Variants in KLHL2 observed in about 807,000 individuals in gnomAD.
KLHL2 encodes kelch like family member 2.
Under a neutral mutation model 75.8 loss-of-function variants are expected in KLHL2, and 15 were observed. That is an observed-to-expected ratio of 0.20 (90% confidence interval 0.13 to 0.30). The LOEUF is 0.30. Among genes scored for constraint, KLHL2 ranks in the 10% least tolerant of loss-of-function variants. KLHL2 has a pLI of 1.00. For missense variants in KLHL2, 381 were observed against 741.0 expected, an observed-to-expected ratio of 0.51 and a Z score of 5.64; for synonymous variants, 214 against 251.9, an observed-to-expected ratio of 0.85 and a Z score of 1.42.
At chr4:165,234,787 A>G (rs1297691692) in intron 3 of KLHL2, among the ~76,000 whole-genome samples, 1 of 151,514 alleles carries the variant, frequency 6.6e-6, no homozygotes, top group Non-Finnish European at 1.5e-5. Flanking sequence ...TTTTAGCCAT[A>G]TATGTGTTCT....
rs147404055 is a variant in KLHL2, at chr4:165,319,084, G to T, written c.1753+1115G>T. On this transcript the variant is annotated intron_variant, in intron 14 of 14. Coordinates refer to ENST00000226725, the MANE Select transcript of KLHL2 (RefSeq NM_007246.4). The surrounding 1 kb of genome is among the most constrained non-coding windows in gnomAD (Gnocchi z 4.5). ...AAAGATACAATATTAAATCATAACT[G>T]CATGAAATTAACTGTAGTATGTTAC... 4.9e-3 allele frequency among the ~76,000 whole-genome samples: 743 copies of T among 152,242 alleles called. 6 individuals carry two copies. The highest frequency in any genetic ancestry group is 0.033 in the East Asian group (172 of 5,186).
intron 2 of KLHL2, among the ~76,000 whole-genome samples, chr4:165,226,070 C>T (rs568628509): frequency 2.8e-4 from 43 of 152,296 alleles, no homozygotes; most frequent in East Asian, 2.5e-3. Context: ...TGTAATTCCA[C>T]TTGTGTTCCA....
rs557827706 is a variant in KLHL2, at chr4:165,310,639, G to A, written c.1126G>A (p.Val376Met). ...RVRTVDSYDPVKDQWTSVANM... is the reference protein window; with the variant it reads ...RVRTVDSYDPMKDQWTSVANM... ...TCGCACTGTAGATTCCTACGACCCT[G>A]TGAAGGACCAGTGGACCAGCGTTGC... is the stretch of plus-strand genomic sequence containing the variant. Residue 376 changes from valine (V) to methionine (M), a missense_variant, in exon 10 of 15, where the codon GTG becomes ATG. Around this residue, in one of 5 missense-constraint regions of KLHL2, gnomAD observed 168 missense variants for 370.4 expected, o/e 0.45. Transcript: ENST00000226725. 4 of 1,614,110 alleles carry A rather than the reference G, an allele frequency of 2.5e-6. No homozygotes were observed. The South Asian group carries it at 4.4e-5, about 18-fold the overall frequency.
rs564274906 is a variant in KLHL2 at position 165,317,057 on chromosome 4, A to AGAGTTATT, written c.1610-768_1610-761dup. On this transcript the variant is annotated intron_variant, in intron 13 of 14. Transcript: ENST00000226725. ...GATGTTTTGAATTTTTGCAAAGAAA[A>AGAGTTATT]GAGTTATTTTAATAGATAAATAATA... Among the ~76,000 whole-genome samples the AGAGTTATT allele has an allele frequency of 2.7e-4, 41 of 152,266 alleles. No individual in the cohort carries two copies. The East Asian group carries it at 6.9e-3, about 26-fold the overall frequency.
At chr4:165,233,689 A>G (rs1032727220) in intron 3 of KLHL2, among the ~76,000 whole-genome samples, 1 of 152,226 alleles carries the variant, frequency 6.6e-6, no homozygotes, top group African/African-American at 2.4e-5. Context: ...AATAAAACAG[A>G]TAAGTTCCTG....
At chr4:165,211,770 G>A (rs781332506) in intron 1 of KLHL2, among the ~76,000 whole-genome samples, 1 of 152,186 alleles carries the variant, frequency 6.6e-6, no homozygotes, top group African/African-American at 2.4e-5. Flanking sequence ...AACTTGAGAA[G>A]TGAATTCTGG....
At chr4:165,209,292 A>G (rs1194586390) in intron 1 of KLHL2, 1 of 152,252 alleles carries the variant, frequency 6.6e-6, no homozygotes, top group Non-Finnish European at 1.5e-5. Flanking sequence ...GCTCAGAAGC[A>G]CTTAAAGCAG....
At chr4:165,260,577 T>C (rs76580582) in intron 4 of KLHL2, among the ~76,000 whole-genome samples, 1 of 148,128 alleles carries the variant, frequency 6.8e-6, no homozygotes, top group Non-Finnish European at 1.5e-5. Flanking sequence ...TGTGTGTGTG[T>C]GGGGGGGGTG....
chr4:165,221,453 AG>A lies in KLHL2; in HGVS notation c.152+1397del, dbSNP rs137927796. Among the ~76,000 whole-genome samples, 935 of 152,300 alleles carry A rather than the reference AG, an allele frequency of 6.1e-3. 7 individuals are homozygous for A. Among genetic ancestry groups the A allele is most frequent in the African/African-American group, 0.021 (852 of 41,558 alleles). On this transcript the variant is annotated intron_variant, in intron 2 of 14. Transcript: ENST00000226725. ...CATTGGGAATGCTGTGCCACATCTT[AG>A]GGTAGGAAGGAGCTGGCCTCATCGG...
chr4:165,279,537 T>C, intron 5 of KLHL2: 5 of 1,553,854 alleles, frequency 3.2e-6, no homozygotes, highest in Non-Finnish European at 4.4e-6. Flanking sequence ...TGATGATGAC[T>C]AAGTAGTTCA....
chr4:165,316,487 G>T (rs1354444759), intron 13 of KLHL2, among the ~76,000 whole-genome samples: 2 of 152,102 alleles, frequency 1.3e-5, no homozygotes, highest in Admixed American at 1.3e-4. Flanking sequence ...AAGTTTTGTA[G>T]ATTTGGGCAG....
intron 5 of KLHL2, among the ~76,000 whole-genome samples, chr4:165,290,392 C>T (rs1425396563): frequency 2.0e-5 from 3 of 152,106 alleles, no homozygotes; most frequent in African/African-American, 7.2e-5. Flanking sequence ...TCCTCAGCCT[C>T]CCAAGATTCT....
intron 6 of KLHL2, among the ~76,000 whole-genome samples, chr4:165,295,359 T>C (rs1014146663): frequency 3.9e-5 from 6 of 152,232 alleles, no homozygotes; most frequent in Admixed American, 6.5e-5. Context: ...TATTAAAAAA[T>C]GTGAAAGCAT....
At chr4:165,310,997 G>C (rs1338379409) in intron 10 of KLHL2, among the ~76,000 whole-genome samples, 2 of 151,836 alleles carry the variant, frequency 1.3e-5, no homozygotes, top group Non-Finnish European at 2.9e-5. Flanking sequence ...TGGGACTATA[G>C]GTGCCCGCCA....
At chr4:165,302,049 A>G (rs1220660909) in intron 8 of KLHL2, among the ~76,000 whole-genome samples, 1 of 151,918 alleles carries the variant, frequency 6.6e-6, no homozygotes, top group Non-Finnish European at 1.5e-5. Flanking sequence ...TAGATTTCTC[A>G]GTTCTCTAGC....
At chr4:165,228,095 G>A (rs7667476) in intron 2 of KLHL2, among the ~76,000 whole-genome samples, 3,540 of 152,110 alleles carry the variant, frequency 0.023, 59 homozygotes, top group African/African-American at 0.08. Context: ...GCTGGGTTTC[G>A]CCATGTTGGC....
At chr4:165,262,579 T>G (rs1741780909) in intron 4 of KLHL2, among the ~76,000 whole-genome samples, 6 of 151,976 alleles carry the variant, frequency 3.9e-5, no homozygotes, top group Admixed American at 3.9e-4. Context: ...TTTGTTGTTG[T>G]TGTTTTGTTT....
intron 3 of KLHL2, among the ~76,000 whole-genome samples, chr4:165,237,736 A>C (rs1414567011): frequency 6.6e-6 from 1 of 152,206 alleles, no homozygotes; most frequent in African/African-American, 2.4e-5. Context: ...GAATAGTGGC[A>C]CGTTCTCATG....
chr4:165,276,935 C>T (rs933044390), intron 5 of KLHL2, among the ~76,000 whole-genome samples: 1 of 151,996 alleles, frequency 6.6e-6, no homozygotes, highest in Admixed American at 6.6e-5. Context: ...ACAGTTTCTT[C>T]TTTTTTTAGG....
Sources: allele counts gnomAD v4.1 joint callset (sites outside exome capture counted in the v4.1 genomes callset), GRCh38; gene constraint gnomAD v4.1.1; regional missense constraint gnomAD v4.1.1; non-coding constraint Gnocchi (gnomAD v3.1); transcripts MANE v1.5; gene names NCBI Gene and HGNC (gene_info 2026-07-23, HGNC 2026-07-21).